WDR72: variants seen among roughly 807,000 people sequenced by gnomAD.
The protein encoded by WDR72 is WD repeat-containing protein 72.
WDR72 carries 120 observed loss-of-function variants against 124.2 expected under a neutral mutation model. That is an observed-to-expected ratio of 0.97 (90% CI 0.83 to 1.12). The LOEUF (loss-of-function observed/expected upper bound fraction) is 1.12, where lower values mean the gene tolerates loss of function less well. WDR72 is among the 50% of genes most tolerant of loss of function. WDR72 has a pLI of 0.00. For missense variants in WDR72, 1,387 were observed against 1,278.8 expected, an observed-to-expected ratio of 1.08 and a Z score of -1.29; for synonymous variants, 452 against 441.7, an observed-to-expected ratio of 1.02 and a Z score of -0.29.
In WDR72 at chr15:53,516,902, CT is replaced by C. The variant is rs1891492136; in HGVS notation, c.*796del. The C allele has an allele frequency of 6.6e-6, 1 of 151,984 alleles. No homozygotes were observed. The highest frequency in any genetic ancestry group is 2.4e-5 in the African/African-American group (1 of 41,410). The allele number at this position is 151,984 out of a possible 1,614,324, so 9.4% of individuals were successfully genotyped here. A position where few individuals can be genotyped will look rare whatever the true frequency, so the allele number is the denominator to read the frequency against. On this transcript the variant is annotated 3_prime_UTR_variant, in exon 20 of 20. Transcript: ENST00000360509. ...ATATATTTCAGTTTTAGAATTCCTG[CT>C]AGTCAAGCTTCTTTCTGGGAAAAGA...
At chr15:53,670,954 G>A (rs556172086) in intron 13 of WDR72, among the ~76,000 whole-genome samples, 18 of 152,226 alleles carry the variant, frequency 1.2e-4, no homozygotes, top group African/African-American at 4.1e-4. Context: ...CCTGAGACTT[G>A]AACCTCCTCA....
chr15:53,674,547 G>GA (rs1202303403), intron 13 of WDR72, among the ~76,000 whole-genome samples: 1 of 152,014 alleles, frequency 6.6e-6, no homozygotes, highest in Admixed American at 6.6e-5. Context: ...TAGCTAACTA[G>GA]AAAATAATGG....
chr15:53,576,224 T>C (rs1024703870), intron 18 of WDR72, among the ~76,000 whole-genome samples: 10 of 152,174 alleles, frequency 6.6e-5, no homozygotes, highest in Non-Finnish European at 1.5e-4. Flanking sequence ...CCTCAAAGTA[T>C]GTGTTTGCCT....
intron 18 of WDR72, among the ~76,000 whole-genome samples, chr15:53,529,455 C>T (rs1892328849): frequency 6.6e-6 from 1 of 151,834 alleles, no homozygotes; most frequent in South Asian, 2.1e-4. Flanking sequence ...AATCCAAGAC[C>T]AACCAACTAC....
intron 16 of WDR72, among the ~76,000 whole-genome samples, chr15:53,611,503 C>T (rs2013537481): frequency 6.6e-6 from 1 of 152,050 alleles, no homozygotes; most frequent in African/African-American, 2.4e-5. Context: ...AAACAAACAA[C>T]AACAACAACA....
chr15:53,668,974 G>GAGGAGAAGGAGA (rs58562542), intron 13 of WDR72, among the ~76,000 whole-genome samples: 18 of 112,894 alleles, frequency 1.6e-4, no homozygotes, highest in African/African-American at 5.8e-4. Flanking sequence ...GGAGGAGGAG[G>GAGGAGAAGGAGA]AGGAGAAGGA....
intron 2 of WDR72, among the ~76,000 whole-genome samples, chr15:53,726,285 T>TATATATATATATAC (rs1228132828): frequency 8.7e-6 from 1 of 115,468 alleles, no homozygotes; most frequent in African/African-American, 3.7e-5. Context: ...TATATATATA[T>TATATATATATATAC]ACACACACAC....
chr15:53,547,007 A>G (rs150330905), intron 18 of WDR72, among the ~76,000 whole-genome samples: 74 of 152,340 alleles, frequency 4.9e-4, no homozygotes, highest in African/African-American at 1.6e-3. Flanking sequence ...CATTTATGTA[A>G]AAATACTTAA....
At chr15:53,726,262 G>A (rs1454552798) in intron 2 of WDR72, among the ~76,000 whole-genome samples, 6 of 55,684 alleles carry the variant, frequency 1.1e-4, no homozygotes, top group East Asian at 7.5e-4. Flanking sequence ...ATATGTATGT[G>A]TGTATATATA....
chr15:53,735,149 C>T (rs889438442), intron 1 of WDR72, among the ~76,000 whole-genome samples: 5 of 152,000 alleles, frequency 3.3e-5, no homozygotes, highest in African/African-American at 1.2e-4. Flanking sequence ...CAAAAATTAG[C>T]CAGGCATGGT....
chr15:53,754,179 A>G (rs1362488588), intron 1 of WDR72, among the ~76,000 whole-genome samples: 1 of 152,224 alleles, frequency 6.6e-6, no homozygotes, highest in Admixed American at 6.5e-5. Context: ...TTAATCTGTA[A>G]AACCTATTCA....
At chr15:53,570,757 T>C (rs1028307783) in intron 18 of WDR72, among the ~76,000 whole-genome samples, 1 of 152,032 alleles carries the variant, frequency 6.6e-6, no homozygotes, top group Non-Finnish European at 1.5e-5. Flanking sequence ...AAATAAACTG[T>C]TGTACCAAAA....
intron 18 of WDR72, among the ~76,000 whole-genome samples, chr15:53,578,337 G>T (rs2011725153): frequency 6.6e-6 from 1 of 152,084 alleles, no homozygotes; most frequent in Non-Finnish European, 1.5e-5. Context: ...TCCAGAGGTT[G>T]CCCATGACAT....
chr15:53,619,722 C>T (rs550052987), intron 14 of WDR72, among the ~76,000 whole-genome samples: 8 of 152,108 alleles, frequency 5.3e-5, no homozygotes, highest in South Asian at 4.2e-4. Flanking sequence ...TAAAGCTAAA[C>T]GTACCCGAGG....
At chr15:53,580,131 T>C (rs533557653) in intron 18 of WDR72, among the ~76,000 whole-genome samples, 1 of 152,194 alleles carries the variant, frequency 6.6e-6, no homozygotes, top group South Asian at 2.1e-4. Context: ...CTCTTAGTGA[T>C]TGCAGCTGAT....
At chr15:53,662,247 C>T (rs894608601) in intron 14 of WDR72, among the ~76,000 whole-genome samples, 3 of 152,124 alleles carry the variant, frequency 2.0e-5, no homozygotes, top group Admixed American at 1.3e-4. Flanking sequence ...TCTGGCCTTC[C>T]TTTCCTATAC....
intron 13 of WDR72, among the ~76,000 whole-genome samples, chr15:53,692,400 AG>A (rs2016872547): frequency 6.6e-6 from 1 of 152,202 alleles, no homozygotes; most frequent in Non-Finnish European, 1.5e-5. Flanking sequence ...ATGAATCCTT[AG>A]TACACACTAG....
chr15:53,628,597 T>C (rs1344014585), intron 14 of WDR72, among the ~76,000 whole-genome samples: 2 of 152,090 alleles, frequency 1.3e-5, no homozygotes, highest in African/African-American at 2.4e-5. Flanking sequence ...ACTTATGCCA[T>C]AAAAAGGTAG....
Position 53,514,561 on chromosome 15 carries a change from ATGC to A in WDR72, c.*3135_*3137del, listed in dbSNP as rs886187108. ...TGAGAAAAGAAATAAAAGTCACCAA[ATGC>A]TATCATCTAAAGATAGAATATTAAT... On this transcript the variant is annotated 3_prime_UTR_variant, in exon 20 of 20. Coordinates refer to ENST00000360509, the MANE Select transcript of WDR72 (RefSeq NM_182758.4). 4.6e-5 allele frequency: 7 copies of A among 152,176 alleles called. No individual in the cohort carries two copies. Among genetic ancestry groups the A allele is most frequent in the African/African-American group, 1.7e-4 (7 of 41,456 alleles). 9.4% of individuals were successfully genotyped at this position (152,176 alleles called of 1,614,324 possible).
Sources: allele counts gnomAD v4.1 joint callset (sites outside exome capture counted in the v4.1 genomes callset), GRCh38; gene constraint gnomAD v4.1.1; transcripts MANE v1.5; gene names NCBI Gene and HGNC (gene_info 2026-07-23, HGNC 2026-07-21).